CNTN4: variants seen among roughly 807,000 people sequenced by gnomAD.
The protein encoded by CNTN4 is contactin-4.
CNTN4 carries 77 observed loss-of-function variants against 122.5 expected under a neutral mutation model. The observed-to-expected ratio is 0.63, with a 90% CI of 0.52 to 0.76. The LOEUF (loss-of-function observed/expected upper bound fraction) is 0.76. Among genes scored for constraint, CNTN4 ranks in the 30% least tolerant of loss-of-function variants. CNTN4 has a pLI of 0.00. For missense variants in CNTN4, 1,256 were observed against 1,259.1 expected, an observed-to-expected ratio of 1.00 and a Z score of 0.04; for synonymous variants, 512 against 447.0, an observed-to-expected ratio of 1.15 and a Z score of -1.83.
At chr3:2,186,685 T>C (rs1559323623) in intron 2 of CNTN4, among the ~76,000 whole-genome samples, 1 of 152,266 alleles carries the variant, frequency 6.6e-6, no homozygotes, top group Non-Finnish European at 1.5e-5. Flanking sequence ...TGGTCAGTGA[T>C]GATGAGCATT....
chr3:2,668,160 G>T (rs1441402621), intron 4 of CNTN4, among the ~76,000 whole-genome samples: 5 of 151,934 alleles, frequency 3.3e-5, no homozygotes, highest in African/African-American at 7.3e-5. Flanking sequence ...GGGATGGCAT[G>T]GAATCTATAA....
chr3:2,935,429 G>T (rs1332347800), intron 13 of CNTN4, among the ~76,000 whole-genome samples: 1 of 152,050 alleles, frequency 6.6e-6, no homozygotes, highest in Non-Finnish European at 1.5e-5. Context: ...AGGCCTTATT[G>T]TCTCTTGTGT....
intron 3 of CNTN4, among the ~76,000 whole-genome samples, chr3:2,414,701 C>T (rs1005955960): frequency 1.3e-5 from 2 of 152,058 alleles, no homozygotes; most frequent in African/African-American, 4.8e-5. Context: ...CATACCTAGA[C>T]ATTCAAGGAG....
intron 4 of CNTN4, among the ~76,000 whole-genome samples, chr3:2,630,441 A>T (rs1198816251): frequency 6.6e-6 from 1 of 152,212 alleles, no homozygotes; most frequent in African/African-American, 2.4e-5. Flanking sequence ...CCTGTCTCAA[A>T]ACAAAGAATC....
chr3:2,816,641 T>C (rs1045753440), intron 6 of CNTN4, among the ~76,000 whole-genome samples: 4 of 151,072 alleles, frequency 2.6e-5, no homozygotes, highest in African/African-American at 9.7e-5. Flanking sequence ...GCCAACATGG[T>C]GAAACCCCGT....
intron 2 of CNTN4, among the ~76,000 whole-genome samples, chr3:2,312,935 TA>T (rs938138804): frequency 6.6e-6 from 1 of 151,958 alleles, no homozygotes; most frequent in Non-Finnish European, 1.5e-5. Flanking sequence ...ATAACAAAAA[TA>T]AAAACACTGT....
intron 1 of CNTN4, 101 bp from the exon 2 acceptor site, chr3:2,100,457 C>T (rs1425926446): frequency 6.6e-6 from 1 of 152,072 alleles, no homozygotes; most frequent in African/African-American, 2.4e-5. Context: ...GGGGTAGGAG[C>T]GTAAAGACTG....
chr3:2,341,744 ATAAAAATAAAGTT>A (rs372654655), intron 3 of CNTN4, among the ~76,000 whole-genome samples: 1 of 152,372 alleles, frequency 6.6e-6, no homozygotes, highest in East Asian at 1.9e-4. Context: ...AATTTCAAAA[ATAAAAATAAAGTT>A]TAACTTGTTG....
At chr3:3,033,181 T>C (rs796437854) in intron 16 of CNTN4, among the ~76,000 whole-genome samples, 43 of 152,168 alleles carry the variant, frequency 2.8e-4, no homozygotes, top group African/African-American at 9.9e-4. Context: ...AGAAAACTAG[T>C]GAAAAAAATT....
intron 9 of CNTN4, among the ~76,000 whole-genome samples, chr3:2,885,566 A>T (rs770970090): frequency 1.3e-5 from 2 of 152,156 alleles, no homozygotes; most frequent in Non-Finnish European, 2.9e-5. Flanking sequence ...CATTATTTCT[A>T]CTATCATTTA....
At chr3:2,839,568 C>G (rs1034229423) in intron 7 of CNTN4, among the ~76,000 whole-genome samples, 2 of 152,140 alleles carry the variant, frequency 1.3e-5, no homozygotes, top group African/African-American at 4.8e-5. Flanking sequence ...CTTACCCCAC[C>G]TGGAATTTAG....
At chr3:2,397,552 C>G (rs1345564361) in intron 3 of CNTN4, among the ~76,000 whole-genome samples, 1 of 151,874 alleles carries the variant, frequency 6.6e-6, no homozygotes, top group South Asian at 2.1e-4. Context: ...ATACATACAT[C>G]TGATTGTATC....
chr3:2,770,442 A>T (rs956554407), intron 6 of CNTN4, among the ~76,000 whole-genome samples: 3 of 152,138 alleles, frequency 2.0e-5, no homozygotes, highest in Admixed American at 1.3e-4. Flanking sequence ...GGGGAGGGCC[A>T]AGGGCCCTCA....
rs186438652 is a variant in CNTN4, at chr3:2,273,980, C to G, written c.-144-65198C>G. On this transcript the variant is annotated intron_variant, in intron 2 of 24. Transcript: ENST00000418658. The stretch of plus-strand genomic sequence containing the variant: ...CATAGAAATAAACATCTGCTGGAAA[C>G]TCATTTGAGAGAAAACAACCCATGT... Among the ~76,000 whole-genome samples, 481 of 152,168 alleles carry G rather than the reference C, an allele frequency of 3.2e-3. 1 individual carries two copies. Among genetic ancestry groups the G allele is most frequent in the Middle Eastern group, 0.02 (6 of 294 alleles).
chr3:2,988,490 G>A lies in CNTN4; in HGVS notation c.1486+18G>A. On this transcript the variant is annotated intron_variant, in intron 14 of 24. Transcript: ENST00000418658. ...AGTGAAAGGTAATGGCTAACCCAAAGAATTCGAATATTTATATATGTGTCC... is the reference window on the plus strand; with the variant it reads ...AGTGAAAGGTAATGGCTAACCCAAAAAATTCGAATATTTATATATGTGTCC... 8.7e-6 allele frequency: 14 copies of A among 1,613,242 alleles called. No individual in the cohort carries two copies. Among genetic ancestry groups the A allele is most frequent in the Non-Finnish European group, 1.1e-5 (13 of 1,179,378 alleles).
chr3:2,242,929 T>C (rs1257157257), intron 2 of CNTN4, among the ~76,000 whole-genome samples: 1 of 152,118 alleles, frequency 6.6e-6, no homozygotes, highest in Non-Finnish European at 1.5e-5. Flanking sequence ...ATGGCAGGAA[T>C]TTAGAACAAA....
chr3:2,626,383 G>A (rs113866381), intron 4 of CNTN4, among the ~76,000 whole-genome samples: 18,846 of 151,682 alleles, frequency 0.12, 1,348 homozygotes, highest in Admixed American at 0.22. Flanking sequence ...TGTAGTCCCA[G>A]CTACTCGGGA....
chr3:2,449,474 G>C (rs1002215346), intron 3 of CNTN4, among the ~76,000 whole-genome samples: 2 of 152,068 alleles, frequency 1.3e-5, no homozygotes, highest in African/African-American at 2.4e-5. Flanking sequence ...AATTAGCCGG[G>C]CGTGGTGATG....
In CNTN4 at chr3:2,714,232, A is replaced by G. The variant is rs149400600; in HGVS notation, c.56-21983A>G. Among the ~76,000 whole-genome samples, 716 of 152,296 alleles carry G rather than the reference A, an allele frequency of 4.7e-3. 8 individuals carry two copies. Among genetic ancestry groups the G allele is most frequent in the African/African-American group, 0.017 (690 of 41,560 alleles). ...TCAGTATTATTAATAAATATTATTC[A>G]GTACTATTTATAAAGCAGGTGAGAC... On this transcript the variant is annotated intron_variant, in intron 4 of 24. Transcript: ENST00000418658.
Sources: allele counts gnomAD v4.1 joint callset (sites outside exome capture counted in the v4.1 genomes callset), GRCh38; gene constraint gnomAD v4.1.1; transcripts MANE v1.5; gene names NCBI Gene and HGNC (gene_info 2026-07-23, HGNC 2026-07-21).